CTSO: variants seen among roughly 807,000 people sequenced by gnomAD.
CTSO encodes cathepsin O.
A neutral mutation model predicts 42.4 loss-of-function variants in CTSO; 40 were observed. That is an observed-to-expected ratio of 0.94 (90% CI 0.73 to 1.23). The LOEUF (loss-of-function observed/expected upper bound fraction) is 1.23, where lower values mean the gene tolerates loss of function less well. Among genes scored for constraint, CTSO ranks in the 50% most tolerant of loss-of-function variants. The pLI is 0.00. For synonymous variants in CTSO, 156 were observed against 146.2 expected, an observed-to-expected ratio of 1.07 and a Z score of -0.48; for missense variants, 441 against 396.0, an observed-to-expected ratio of 1.11 and a Z score of -0.96.
intron 4 of CTSO, among the ~76,000 whole-genome samples, chr4:155,938,490 C>G (rs1289078735): frequency 6.6e-6 from 1 of 152,166 alleles, no homozygotes; most frequent in Non-Finnish European, 1.5e-5. Context: ...ACTGTCAGGG[C>G]AAGTGCTAAG....
At position 155,924,285 on chromosome 4, in the gene CTSO, A is replaced by G. The variant is rs1046918712; in HGVS notation, c.*1751T>C. On this transcript the variant is annotated 3_prime_UTR_variant, in exon 8 of 8. Transcript: ENST00000433477. ...CATAGAAAGTCAGCGAATACAAACT[A>G]GACAAGCAGGACATAGTTCTTTTCT... is the stretch of plus-strand genomic sequence containing the variant. 1 of 151,660 alleles carries G rather than the reference A, an allele frequency of 6.6e-6. No individual in the cohort carries two copies. The highest frequency in any genetic ancestry group is 2.4e-5 in the African/African-American group (1 of 41,414). The allele number at this position is 151,660 out of a possible 1,614,324, so 9.4% of individuals were successfully genotyped here.
rs765781141 is a variant in CTSO, at chr4:155,929,680, C to G, written c.700G>C (p.Ala234Pro). 6.2e-7 allele frequency: 1 copy of G among 1,610,598 alleles called. No individual in the cohort carries two copies. Among genetic ancestry groups the G allele is most frequent in the Non-Finnish European group, 8.5e-7 (1 of 1,179,188 alleles). The change falls in exon 6 of 8, where the codon GCA (alanine) becomes CCA (proline). Residue 234 changes from alanine to proline, a missense_variant. Transcript: ENST00000433477. ...FSDQEDEMAKALLTFGPLVVI... is the reference protein window; with the variant it reads ...FSDQEDEMAKPLLTFGPLVVI... ...ACCAAAGGGCCAAAGGTAAGAAGTG[C>G]TTTTGCCATTTCATCTTCTTGGTCA...
Position 155,937,495 on chromosome 4 carries a change from C to T in CTSO, c.553-12G>A, listed in dbSNP as rs1164724561. On this transcript the variant is annotated splice_polypyrimidine_tract_variant and intron_variant, in intron 4 of 7. Transcript: ENST00000433477. ...AGTTTTACTTGCATCTAAAAGAAAA[C>T]AATCACTGAACATGTTTACTGTCAA... is the stretch of plus-strand genomic sequence containing the variant. The T allele has an allele frequency of 6.2e-7, 1 of 1,610,796 alleles. No homozygotes were observed. The highest frequency in any genetic ancestry group is 8.5e-7 in the Non-Finnish European group (1 of 1,177,784).
chr4:155,947,915 G>A (rs894248772), intron 1 of CTSO, among the ~76,000 whole-genome samples: 7 of 152,158 alleles, frequency 4.6e-5, no homozygotes, highest in Non-Finnish European at 8.8e-5. Flanking sequence ...GAGGAAAGAC[G>A]TAAAGTTTTG....
At chr4:155,938,690 G>T (rs1476312661) in intron 4 of CTSO, among the ~76,000 whole-genome samples, 1 of 152,138 alleles carries the variant, frequency 6.6e-6, no homozygotes, top group Non-Finnish European at 1.5e-5. Flanking sequence ...ACTTTGGGAG[G>T]CTGAGGCGGG....
In CTSO at chr4:155,928,366, C is replaced by T; in HGVS notation, c.901G>A (p.Ala301Thr). Residue 301 changes from alanine (A) to threonine (T), a missense_variant, in exon 7 of 8, where the codon GCC becomes ACC. Physicochemically the swap from Ala to Thr is moderately conservative, Grantham distance 58. Coordinates refer to ENST00000433477, the MANE Select transcript of CTSO (RefSeq NM_001334.3). Reference protein sequence around the residue: ...WGSSWGVDGYAHVKMGSNVCG... With the variant: ...WGSSWGVDGYTHVKMGSNVCG... The stretch of plus-strand genomic sequence containing the variant: ...ACATTACTTCCCATTTTGACATGGG[C>T]ATAACCATCTACTCCCCAAGAACTT... The T allele has an allele frequency of 6.2e-7, 1 of 1,613,168 alleles. No homozygotes were observed. The highest frequency in any genetic ancestry group is 1.1e-5 in the South Asian group (1 of 90,994).
intron 1 of CTSO, among the ~76,000 whole-genome samples, chr4:155,950,961 T>TA (rs1291956715): frequency 6.6e-6 from 1 of 152,058 alleles, no homozygotes; most frequent in Non-Finnish European, 1.5e-5. Context: ...CTTTCTTGGA[T>TA]AAAGCCTATT....
Position 155,928,363 on chromosome 4 carries a change from G to A in CTSO, c.904C>T (p.His302Tyr), listed in dbSNP as rs779410656. The A allele has an allele frequency of 1.9e-6, 3 of 1,612,708 alleles. No individual in the cohort carries two copies. The highest frequency in any genetic ancestry group is 8.5e-7 in the Non-Finnish European group (1 of 1,179,198). Residue 302 changes from histidine (H) to tyrosine (Y), a missense_variant, in exon 7 of 8, where the codon CAT (histidine) becomes TAT (tyrosine). Physicochemically the swap from His to Tyr is moderately conservative, Grantham distance 83 (BLOSUM62 2). Coordinates refer to ENST00000433477, the MANE Select transcript of CTSO (RefSeq NM_001334.3). ...GSSWGVDGYA[H>Y]VKMGSNVCGI... ...CAAACATTACTTCCCATTTTGACAT[G>A]GGCATAACCATCTACTCCCCAAGAA...
chr4:155,944,039 G>T (rs1475089644), intron 1 of CTSO, among the ~76,000 whole-genome samples: 1 of 152,138 alleles, frequency 6.6e-6, no homozygotes, highest in African/African-American at 2.4e-5. Context: ...CTACATATTT[G>T]TCTATGTACT....
intron 5 of CTSO, among the ~76,000 whole-genome samples, chr4:155,935,011 T>C (rs1293439082): frequency 6.6e-6 from 1 of 152,100 alleles, no homozygotes; most frequent in Non-Finnish European, 1.5e-5. Flanking sequence ...CCCACCGAAG[T>C]CTCAACTTGA....
chr4:155,929,247 G>A (rs561655178), intron 6 of CTSO, among the ~76,000 whole-genome samples: 2 of 152,248 alleles, frequency 1.3e-5, no homozygotes, highest in South Asian at 2.1e-4. Context: ...TAAATATGTG[G>A]GTAAAGCTCT....
chr4:155,953,278 A>G (rs953121593), intron 1 of CTSO, among the ~76,000 whole-genome samples: 3 of 152,024 alleles, frequency 2.0e-5, no homozygotes, highest in Non-Finnish European at 4.4e-5. Context: ...TCCTCGGGAA[A>G]AAAAAACACG....
Position 155,939,531 on chromosome 4 carries a change from C to T in CTSO, c.392G>A (p.Gly131Glu). The change falls in exon 4 of 8, where the codon GGA becomes GAA. Residue 131 changes from glycine to glutamate, a missense_variant. Transcript: ENST00000433477. ...CCCCACCACGCTGAAGGCCCAGCATCCTCCACACTGTTTAAAAACAGAAAA... is the reference window on the plus strand; with the variant it reads ...CCCCACCACGCTGAAGGCCCAGCATTCTCCACACTGTTTAAAAACAGAAAA... ...TQVRNQQMCG[G>E]CWAFSVVGAV... is the part of the protein sequence containing the mutation. 6.2e-7 allele frequency: 1 copy of T among 1,611,720 alleles called. No homozygotes were observed. Among genetic ancestry groups the T allele is most frequent in the Non-Finnish European group, 8.5e-7 (1 of 1,178,518 alleles).
intron 5 of CTSO, among the ~76,000 whole-genome samples, chr4:155,931,790 T>A (rs570907868): frequency 6.6e-6 from 1 of 150,986 alleles, no homozygotes; most frequent in East Asian, 1.9e-4. Flanking sequence ...TCGTTATTAT[T>A]ATAACGAATT....
chr4:155,943,375 C>T (rs1743475323), intron 1 of CTSO, 111 bp from the exon 2 acceptor site: 1 of 581,144 alleles, frequency 1.7e-6, no homozygotes, highest in Middle Eastern at 4.8e-4. Context: ...GCTTGATTTC[C>T]TTCAGACTAC....
At chr4:155,933,251 G>T (rs909122068) in intron 5 of CTSO, among the ~76,000 whole-genome samples, 1 of 152,130 alleles carries the variant, frequency 6.6e-6, no homozygotes, top group Non-Finnish European at 1.5e-5. Flanking sequence ...GAGATCTGAT[G>T]ATTTTATCAG....
chr4:155,928,374 T>C lies in CTSO; in HGVS notation c.893A>G (p.Asp298Gly), dbSNP rs1358576615. The C allele has an allele frequency of 6.2e-7, 1 of 1,613,460 alleles. No homozygotes were observed. The highest frequency in any genetic ancestry group is 8.5e-7 in the Non-Finnish European group (1 of 1,179,640). The change falls in exon 7 of 8, where the codon GAT becomes GGT. Residue 298 changes from aspartate to glycine, a missense_variant. Asp to Gly is a moderately conservative substitution (Grantham distance 94). Coordinates refer to ENST00000433477, the MANE Select transcript of CTSO (RefSeq NM_001334.3). ...TCCCATTTTGACATGGGCATAACCA[T>C]CTACTCCCCAAGAACTTCCCCAGGA... ...RNSWGSSWGV[D>G]GYAHVKMGSN...
intron 5 of CTSO, among the ~76,000 whole-genome samples, chr4:155,933,354 G>A (rs1405174069): frequency 6.6e-6 from 1 of 152,058 alleles, no homozygotes; most frequent in East Asian, 1.9e-4. Context: ...GGCCTCCCTA[G>A]CCATGTGGAA....
chr4:155,934,290 C>T (rs899210598), intron 5 of CTSO, among the ~76,000 whole-genome samples: 1 of 152,224 alleles, frequency 6.6e-6, no homozygotes, highest in Admixed American at 6.5e-5. Context: ...GGAACCTCCA[C>T]CTAGATTTCA....
Sources: allele counts gnomAD v4.1 joint callset (sites outside exome capture counted in the v4.1 genomes callset), GRCh38; gene constraint gnomAD v4.1.1; transcripts MANE v1.5; gene names NCBI Gene and HGNC (gene_info 2026-07-23, HGNC 2026-07-21).